EXOC6B: variants seen among roughly 807,000 people sequenced by gnomAD.
The protein encoded by EXOC6B is exocyst complex component 6B.
In EXOC6B, 54 loss-of-function variants were observed where a neutral mutation model predicts 113.5. That is an observed-to-expected ratio of 0.48 (90% confidence interval 0.38 to 0.60). The LOEUF is 0.60. Ranked by LOEUF, EXOC6B falls within the 20% of genes least tolerant of loss-of-function variation. The pLI, the probability that EXOC6B is intolerant of heterozygous loss-of-function variation, is 0.00. For synonymous variants in EXOC6B, 357 were observed against 339.0 expected (o/e 1.05, Z -0.58); for missense variants, 797 against 977.5 (o/e 0.82, Z 2.46).
At chr2:72,674,713 C>T (rs1422347036) in intron 6 of EXOC6B, among the ~76,000 whole-genome samples, 2 of 152,014 alleles carry the variant, frequency 1.3e-5, no homozygotes, top group East Asian at 3.9e-4. Context: ...CTCCTGTAGT[C>T]CCAGCTACTC....
intron 8 of EXOC6B, among the ~76,000 whole-genome samples, chr2:72,538,248 C>T (rs1702412552): frequency 6.6e-6 from 1 of 152,084 alleles, no homozygotes; most frequent in Non-Finnish European, 1.5e-5. Context: ...CAAGTGTGAG[C>T]CACTGCCCAA....
intron 1 of EXOC6B, among the ~76,000 whole-genome samples, chr2:72,761,255 TA>T (rs1682726712): frequency 6.6e-6 from 1 of 152,204 alleles, no homozygotes; most frequent in Non-Finnish European, 1.5e-5. Flanking sequence ...ACTCTTCCAT[TA>T]TCAATAGATC....
At chr2:72,285,270 C>A (rs1685360250) in intron 20 of EXOC6B, among the ~76,000 whole-genome samples, 1 of 151,852 alleles carries the variant, frequency 6.6e-6, no homozygotes, top group Admixed American at 6.6e-5. Flanking sequence ...AATAACTAGG[C>A]AAATAGATCA....
intron 20 of EXOC6B, among the ~76,000 whole-genome samples, chr2:72,186,080 CT>C (rs1553461932): frequency 6.6e-6 from 1 of 152,088 alleles, no homozygotes; most frequent in Non-Finnish European, 1.5e-5. Flanking sequence ...TGAACTCATC[CT>C]TTTTTATGGC....
At chr2:72,605,531 C>T (rs1670702339) in intron 6 of EXOC6B, among the ~76,000 whole-genome samples, 1 of 152,122 alleles carries the variant, frequency 6.6e-6, no homozygotes, top group African/African-American at 2.4e-5. Context: ...TTGTCTCAAA[C>T]ATAAAAGTAA....
chr2:72,545,512 C>G (rs913770179), intron 8 of EXOC6B, among the ~76,000 whole-genome samples: 1 of 152,074 alleles, frequency 6.6e-6, no homozygotes, highest in African/African-American at 2.4e-5. Flanking sequence ...GGTAAAAATG[C>G]AAGAACAAGA....
At chr2:72,794,024 C>T (rs1684817229) in intron 1 of EXOC6B, among the ~76,000 whole-genome samples, 1 of 152,198 alleles carries the variant, frequency 6.6e-6, no homozygotes, top group African/African-American at 2.4e-5. Flanking sequence ...TCCCCTGGGG[C>T]TCATGAGAGA....
chr2:72,542,158 A>G (rs1428298810), intron 8 of EXOC6B, among the ~76,000 whole-genome samples: 1 of 152,212 alleles, frequency 6.6e-6, no homozygotes, highest in Non-Finnish European at 1.5e-5. Flanking sequence ...AATTTTTCAC[A>G]TAGTACTTTT....
chr2:72,674,598 G>T (rs530753221), intron 6 of EXOC6B, among the ~76,000 whole-genome samples: 3 of 152,164 alleles, frequency 2.0e-5, no homozygotes, highest in Admixed American at 6.5e-5. Context: ...TTGGGAGGCC[G>T]AGGCGGGCGG....
At chr2:72,196,007 A>G (rs981423026) in intron 20 of EXOC6B, among the ~76,000 whole-genome samples, 2 of 152,188 alleles carry the variant, frequency 1.3e-5, no homozygotes, top group African/African-American at 4.8e-5. Context: ...ATATGTGGGA[A>G]TAACCTTTTG....
At chr2:72,622,784 A>T (rs919247325) in intron 6 of EXOC6B, among the ~76,000 whole-genome samples, 8 of 152,222 alleles carry the variant, frequency 5.3e-5, no homozygotes, top group Non-Finnish European at 8.8e-5. Flanking sequence ...TATTAGGGAA[A>T]TATACAAATA....
chr2:72,804,796 C>T (rs566084737), intron 1 of EXOC6B, among the ~76,000 whole-genome samples: 2 of 152,076 alleles, frequency 1.3e-5, no homozygotes, highest in East Asian at 3.9e-4. Context: ...CGGGGTTTCA[C>T]CATGTTGGCC....
chr2:72,606,449 GA>G (rs528620535), intron 6 of EXOC6B, among the ~76,000 whole-genome samples: 73 of 151,932 alleles, frequency 4.8e-4, no homozygotes, highest in African/African-American at 1.6e-3. Flanking sequence ...ATCTCTACTT[GA>G]AAAAAATCCA....
chr2:72,224,994 G>GTGTGTATATATATATATATATATATATA (rs908047817), intron 20 of EXOC6B, among the ~76,000 whole-genome samples: 21 of 137,318 alleles, frequency 1.5e-4, no homozygotes, highest in Non-Finnish European at 2.2e-4. Flanking sequence ...GTGTGTGTGT[G>GTGTGTATATATATATATATATATATATA]TATATATATA....
chr2:72,445,000 T>C (rs1696475996), intron 18 of EXOC6B, among the ~76,000 whole-genome samples: 1 of 152,196 alleles, frequency 6.6e-6, no homozygotes. Context: ...TATTGCATTG[T>C]CAGGTTGCAA....
intron 1 of EXOC6B, among the ~76,000 whole-genome samples, chr2:72,766,829 C>G (rs190597742): frequency 4.6e-4 from 70 of 151,792 alleles, no homozygotes; most frequent in African/African-American, 1.6e-3. Context: ...TGGTGCGCGT[C>G]TGTAATCCCA....
At chr2:72,551,700 G>C (rs1703237809) in intron 8 of EXOC6B, among the ~76,000 whole-genome samples, 1 of 150,736 alleles carries the variant, frequency 6.6e-6, no homozygotes, top group Non-Finnish European at 1.5e-5. Flanking sequence ...AGTAGAGATG[G>C]GGTTTCACCA....
chr2:72,321,982 T>G (rs1051667904), intron 20 of EXOC6B, among the ~76,000 whole-genome samples: 6 of 152,122 alleles, frequency 3.9e-5, no homozygotes, highest in African/African-American at 1.2e-4. Flanking sequence ...CTGGCAGGAA[T>G]GGAAAATGGT....
intron 6 of EXOC6B, among the ~76,000 whole-genome samples, chr2:72,656,896 G>C (rs1288618505): frequency 6.6e-6 from 1 of 152,062 alleles, no homozygotes; most frequent in Non-Finnish European, 1.5e-5. Context: ...TTGTTGCCCA[G>C]GCTGGAGTCC....
Sources: allele counts gnomAD v4.1 joint callset (sites outside exome capture counted in the v4.1 genomes callset), GRCh38; gene constraint gnomAD v4.1.1; transcripts MANE v1.5; gene names NCBI Gene and HGNC (gene_info 2026-07-23, HGNC 2026-07-21).